The following CCDC88C variants were observed in gnomAD, a reference collection of about 807,000 sequenced individuals.
The protein encoded by CCDC88C is coiled-coil and HOOK domain protein 88C, also known as protein Daple.
A neutral mutation model predicts 198.8 loss-of-function variants in CCDC88C; 131 were observed. The observed-to-expected ratio is 0.66, with a 90% CI of 0.57 to 0.76. The LOEUF is 0.76. CCDC88C is among the 30% of genes least tolerant of loss of function. The probability of loss-of-function intolerance (pLI) is 0.00; values close to 1 mark genes in which losing one functional copy is unlikely to be tolerated. For synonymous variants in CCDC88C, 1,166 were observed against 1,114.7 expected (o/e 1.05, Z -0.92); for missense variants, 2,553 against 2,631.6 (o/e 0.97, Z 0.65).
Position 91,281,490 on chromosome 14 carries a change from G to C in CCDC88C, c.4666C>G (p.Leu1556Val). The C allele has an allele frequency of 6.2e-7, 1 of 1,613,942 alleles. No individual in the cohort carries two copies. The highest frequency in any genetic ancestry group is 2.2e-5 in the East Asian group (1 of 44,882). ...CTGTGGTTGGGGACCTCAAACTCCA[G>C]GGATGGCTCACAGAGGTTGTCATCT... ...NSDDNLCEPS[L>V]EFEVPNHRQY... Residue 1556 changes from leucine to valine, a missense_variant, in exon 27 of 30, where the codon CTG (leucine) becomes GTG (valine). Physicochemically the swap from Leu to Val is conservative, Grantham distance 32. This residue lies in a region of CCDC88C where 1,293 missense variants were observed against 1,219.6 expected (regional missense o/e 1.06). Transcript: ENST00000389857.
chr14:91,291,466 CA>C (rs771345670), intron 23 of CCDC88C, among the ~76,000 whole-genome samples: 1 of 152,152 alleles, frequency 6.6e-6, no homozygotes, highest in East Asian at 1.9e-4. Flanking sequence ...GGGCGGGGTT[CA>C]GGGGGTACAT....
rs1469754657 is a variant in CCDC88C at position 91,289,285 on chromosome 14, C to A, written c.4261G>T (p.Gly1421Cys). 1 of 1,613,910 alleles carries A rather than the reference C, an allele frequency of 6.2e-7. No individual in the cohort carries two copies. The highest frequency in any genetic ancestry group is 2.2e-5 in the East Asian group (1 of 44,898). ...GTGGATTTTAAGCGTTCCCTCGAAC[C>A]CTCTTTCTTTGGTTTGATGAGTTTG... is the stretch of plus-strand genomic sequence containing the variant. The part of the protein sequence containing the change: ...LVKLIKPKKE[G>C]SRERLKSTVD... The change falls in exon 25 of 30, where the codon GGT becomes TGT. Residue 1421 changes from glycine (G) to cysteine (C), a missense_variant. By Grantham distance (159) the Gly-to-Cys change is radical (BLOSUM62 -3). This residue lies in a region of CCDC88C where 1,293 missense variants were observed against 1,219.6 expected (regional missense o/e 1.06). Transcript: ENST00000389857.
chr14:91,372,528 C>CGGGGG (rs199749681), intron 3 of CCDC88C, among the ~76,000 whole-genome samples: 10 of 24,522 alleles, frequency 4.1e-4, no homozygotes, highest in African/African-American at 2.5e-3. Flanking sequence ...GGCAGTGGTG[C>CGGGGG]GGGGGGGGGC....
intron 3 of CCDC88C, among the ~76,000 whole-genome samples, chr14:91,385,733 G>A (rs905152145): frequency 6.6e-6 from 1 of 152,098 alleles, no homozygotes; most frequent in African/African-American, 2.4e-5. Flanking sequence ...GGAGGCCAAG[G>A]TGGGAGGACT....
chr14:91,386,022 G>T (rs1415216649), intron 3 of CCDC88C, among the ~76,000 whole-genome samples: 1 of 152,142 alleles, frequency 6.6e-6, no homozygotes, highest in Non-Finnish European at 1.5e-5. Flanking sequence ...CCCTGAGCAA[G>T]CCAGTTAACA....
chr14:91,302,879 T>C (rs1483613383), intron 20 of CCDC88C, among the ~76,000 whole-genome samples: 1 of 152,120 alleles, frequency 6.6e-6, no homozygotes, highest in Non-Finnish European at 1.5e-5. Context: ...ATTCCCTCCT[T>C]ATTTCTGTTT....
intron 3 of CCDC88C, among the ~76,000 whole-genome samples, chr14:91,362,976 T>C (rs1894377504): frequency 6.6e-6 from 1 of 151,908 alleles, no homozygotes; most frequent in Admixed American, 6.5e-5. Context: ...AGACAATATC[T>C]TTCTGAGTTG....
At position 91,289,257 on chromosome 14, in the gene CCDC88C, A is replaced by G; in HGVS notation, c.4289T>C (p.Val1430Ala). The part of the protein sequence containing the change: ...EGSRERLKST[V>A]DSPPWQLESS... ...CTCCAGCTGCCAGGGAGGGCTGTCC[A>G]CGGTGGATTTTAAGCGTTCCCTCGA... Residue 1430 changes from valine to alanine, a missense_variant, in exon 25 of 30, where the codon GTG (valine) becomes GCG (alanine). Val to Ala is a moderately conservative substitution (Grantham distance 64). Coordinates refer to ENST00000389857, the MANE Select transcript of CCDC88C (RefSeq NM_001080414.4). 6.2e-7 allele frequency: 1 copy of G among 1,614,066 alleles called. No homozygotes were observed. Among genetic ancestry groups the G allele is most frequent in the Non-Finnish European group, 8.5e-7 (1 of 1,179,902 alleles).
intron 20 of CCDC88C, among the ~76,000 whole-genome samples, chr14:91,301,155 A>G (rs990974536): frequency 1.3e-5 from 2 of 151,862 alleles, no homozygotes; most frequent in African/African-American, 4.9e-5. Context: ...ACACGTAGTG[A>G]ATGCTTGTTA....
At chr14:91,297,250 G>A in intron 22 of CCDC88C, 55 bp downstream of exon 22, 3 of 1,562,156 alleles carry the variant, frequency 1.9e-6, no homozygotes, top group Non-Finnish European at 2.6e-6. Flanking sequence ...GCCCTGGGCT[G>A]TCCCCTTGGG....
At chr14:91,395,889 T>C (rs971778914) in intron 3 of CCDC88C, among the ~76,000 whole-genome samples, 1 of 152,192 alleles carries the variant, frequency 6.6e-6, no homozygotes, top group Non-Finnish European at 1.5e-5. Flanking sequence ...CTTGACTCTT[T>C]ATCTGAAATC....
intron 3 of CCDC88C, among the ~76,000 whole-genome samples, chr14:91,393,278 A>C (rs917404832): frequency 6.6e-6 from 1 of 152,152 alleles, no homozygotes; most frequent in Non-Finnish European, 1.5e-5. Flanking sequence ...CTGAGCTGGG[A>C]GATGACAGGT....
Position 91,289,159 on chromosome 14 carries a change from G to C in CCDC88C, c.4387C>G (p.Leu1463Val), listed in dbSNP as rs753414934. ...CGCTCTTCTGCACAGTTGGAGCCCA[G>C]TGCGGGGGTGTCGGGGTTCTCGGCC... ...SQAENPDTPA[L>V]GSNCAEERDA... Residue 1463 changes from leucine (L) to valine (V), a missense_variant, in exon 25 of 30, where the codon CTG becomes GTG. Leu to Val is a conservative substitution (Grantham distance 32). Transcript: ENST00000389857. 1.9e-6 allele frequency: 3 copies of C among 1,613,774 alleles called. No homozygotes were observed. The highest frequency in any genetic ancestry group is 2.5e-6 in the Non-Finnish European group (3 of 1,179,868).
intron 13 of CCDC88C, among the ~76,000 whole-genome samples, chr14:91,317,740 T>C (rs1278897345): frequency 1.3e-5 from 2 of 151,970 alleles, no homozygotes; most frequent in Admixed American, 1.3e-4. Context: ...AGAGAGTGTG[T>C]GCCAAGACAG....
At chr14:91,387,071 T>C (rs573750387) in intron 3 of CCDC88C, among the ~76,000 whole-genome samples, 1 of 152,324 alleles carries the variant, frequency 6.6e-6, no homozygotes, top group Admixed American at 6.5e-5. Context: ...AAATGAGGCA[T>C]AAAGATGCAG....
chr14:91,310,692 G>A (rs1034257553), intron 15 of CCDC88C, among the ~76,000 whole-genome samples: 2 of 152,164 alleles, frequency 1.3e-5, no homozygotes. Context: ...TTACAGGCGC[G>A]AGCCACTGCA....
At chr14:91,307,352 G>T in intron 17 of CCDC88C, 126 bp from the exon 18 acceptor site, 1 of 755,338 alleles carries the variant, frequency 1.3e-6, no homozygotes, top group South Asian at 1.7e-5. Flanking sequence ...GCCCTGGTCT[G>T]TGTAAGCCAG....
intron 2 of CCDC88C, 108 bp from the exon 3 acceptor site, chr14:91,408,875 G>T: frequency 1.4e-6 from 1 of 718,302 alleles, no homozygotes; most frequent in Non-Finnish European, 2.5e-6. Context: ...GTGACCATGA[G>T]GCTGTGCTGT....
At chr14:91,328,622 C>G (rs1038767850) in intron 10 of CCDC88C, among the ~76,000 whole-genome samples, 2 of 152,184 alleles carry the variant, frequency 1.3e-5, no homozygotes, top group African/African-American at 4.8e-5. Flanking sequence ...CGACTTGGGG[C>G]AGTGATTAGG....
Sources: gnomAD v4.1 joint callset for allele counts (sites outside exome capture counted in the v4.1 genomes callset) on GRCh38, gnomAD v4.1.1 for gene constraint, gnomAD v4.1.1 regional missense constraint, MANE v1.5 for transcripts, NCBI Gene and HGNC (gene_info 2026-07-23, HGNC 2026-07-21) for gene names.